GFRA2: variants seen among roughly 807,000 people sequenced by gnomAD.
GFRA2 encodes GDNF family receptor alpha 2.
A neutral mutation model predicts 48.3 loss-of-function variants in GFRA2; 17 were observed. The observed-to-expected ratio is 0.35, with a 90% confidence interval of 0.24 to 0.53. GFRA2 has a LOEUF of 0.53. Among genes scored for constraint, GFRA2 ranks in the 20% least tolerant of loss-of-function variants. The pLI is 0.93. For missense variants in GFRA2, 660 were observed against 637.3 expected (o/e 1.04, Z -0.38); for synonymous variants, 305 against 257.2 (o/e 1.19, Z -1.78).
At chr8:21,803,825 G>T (rs1045651559) in intron 2 of GFRA2, among the ~76,000 whole-genome samples, 11 of 152,090 alleles carry the variant, frequency 7.2e-5, no homozygotes, top group Non-Finnish European at 1.2e-4. Context: ...TAGAGATAGG[G>T]TCTTGCCATG....
In GFRA2 at chr8:21,782,682, C is replaced by T. The variant is rs376226033; in HGVS notation, c.258G>A (p.Gln86=). ...AGCGGCAGTCGTACAGCGGGCTCTC[C>T]TGCAAGACCTCCAAGGCCGCCTGGC... is the stretch of plus-strand genomic sequence containing the variant. ...KECQAALEVL[Q]ESPLYDCRCK... Residue 86 remains glutamine (Q), a synonymous_variant, in exon 2 of 9, where the codon CAG becomes CAA. Coordinates refer to ENST00000524240, the MANE Select transcript of GFRA2 (RefSeq NM_001495.5). 2 of 1,590,346 alleles carry T rather than the reference C, an allele frequency of 1.3e-6. No homozygotes were observed. The highest frequency in any genetic ancestry group is 2.3e-5 in the South Asian group (2 of 87,294).
In GFRA2 at chr8:21,693,218, G is replaced by A. The variant is rs982732354; in HGVS notation, c.*60C>T. 35 of 1,530,090 alleles carry A rather than the reference G, an allele frequency of 2.3e-5. No homozygotes were observed. The highest frequency in any genetic ancestry group is 3.5e-4 in the Middle Eastern group (2 of 5,738). 94.8% of individuals were successfully genotyped at this position (1,530,090 alleles called of 1,614,324 possible). A position where few individuals can be genotyped will look rare whatever the true frequency, so the allele number is the denominator to read the frequency against. On this transcript the variant is annotated 3_prime_UTR_variant, in exon 9 of 9. Transcript: ENST00000524240. Reference sequence around the variant, plus strand: ...GTGTGTCTGTGTGTGTTTCCATTTCGTCAGGCGGCTGTTCTTGTCTGCGTA... The same window carrying A: ...GTGTGTCTGTGTGTGTTTCCATTTCATCAGGCGGCTGTTCTTGTCTGCGTA...
chr8:21,786,293 C>T (rs1279199339), intron 1 of GFRA2, among the ~76,000 whole-genome samples: 1 of 152,008 alleles, frequency 6.6e-6, no homozygotes, highest in African/African-American at 2.4e-5. Flanking sequence ...AGAAAGCCTG[C>T]CTGCAATGAC....
At chr8:21,729,222 C>G (rs185659110) in intron 4 of GFRA2, among the ~76,000 whole-genome samples, 44 of 152,084 alleles carry the variant, frequency 2.9e-4, no homozygotes, top group African/African-American at 7.2e-4. Flanking sequence ...CCCAGCTACT[C>G]GGGAGGCTGA....
chr8:21,806,529 G>A lies in GFRA2; in HGVS notation c.-147-1401C>T, dbSNP rs1027368838. Among the ~76,000 whole-genome samples, 20 of 152,128 alleles carry A rather than the reference G, an allele frequency of 1.3e-4. 1 individual carries two copies. Among genetic ancestry groups the A allele is most frequent in the Admixed American group, 7.2e-4 (11 of 15,284 alleles). On this transcript the variant is annotated intron_variant, in intron 1 of 10. Transcript: ENST00000517328. ...CACCCAGACTGGAGTGCAGAGGCAC[G>A]ATCATAGCTCACCGCAGCCCAGGAC...
chr8:21,763,412 C>G (rs910455361), intron 3 of GFRA2, among the ~76,000 whole-genome samples: 2 of 152,086 alleles, frequency 1.3e-5, no homozygotes, highest in African/African-American at 4.8e-5. Context: ...CTCACCAACC[C>G]TGCCATTCCC....
chr8:21,724,776 A>C (rs2117461877), intron 4 of GFRA2, among the ~76,000 whole-genome samples: 1 of 152,294 alleles, frequency 6.6e-6, no homozygotes. Flanking sequence ...GGGAAGTGTT[A>C]GCTCCCTTGA....
Position 21,714,246 on chromosome 8 carries a change from C to CTTTTTTTTTTTTTTTTT in GFRA2, c.795-8222_795-8206dup, listed in dbSNP as rs10674628. Among the ~76,000 whole-genome samples, 7 of 78,400 alleles carry CTTTTTTTTTTTTTTTTT rather than the reference C, an allele frequency of 8.9e-5. 2 individuals carry two copies. Among genetic ancestry groups the CTTTTTTTTTTTTTTTTT allele is most frequent in the African/African-American group, 1.0e-4 (2 of 19,292 alleles). The allele number at this position is 78,400 out of a possible 152,430, so 51.4% of individuals were successfully genotyped here. A position where few individuals can be genotyped will look rare whatever the true frequency, so the allele number is the denominator to read the frequency against. On this transcript the variant is annotated intron_variant, in intron 4 of 8. Coordinates refer to ENST00000524240, the MANE Select transcript of GFRA2 (RefSeq NM_001495.5). ...GATCAATACATACTGGTCTGAAGTT[C>CTTTTTTTTTTTTTTTTT]TTTTTTTTTTTTTTTTTTTTTTTGA... is the stretch of plus-strand genomic sequence containing the variant.
rs540122202 is a variant in GFRA2 at position 21,705,502 on chromosome 8, G to A, written c.905-377C>T. 1.5e-4 allele frequency among the ~76,000 whole-genome samples: 23 copies of A among 152,284 alleles called. No individual in the cohort carries two copies. The South Asian group carries it at 4.6e-3, about 30-fold the overall frequency. On this transcript the variant is annotated intron_variant, in intron 5 of 8. Coordinates refer to ENST00000524240, the MANE Select transcript of GFRA2 (RefSeq NM_001495.5). ...ATCAGACCCCAGTGCCGATATTTAT[G>A]AGCGAGGTGAGACTGTGCAAGTCAC...
chr8:21,742,855 C>T lies in GFRA2; in HGVS notation c.794+7733G>A, dbSNP rs79547322. ...CAAACAGGATCCGCATCTCATCCAC[C>T]TGGGGTGTGAGCCTCTGGAGCCCAG... On this transcript the variant is annotated intron_variant, in intron 4 of 8. Transcript: ENST00000524240. Among the ~76,000 whole-genome samples, 19 of 152,310 alleles carry T rather than the reference C, an allele frequency of 1.2e-4. No individual in the cohort carries two copies. In the East Asian group the frequency reaches 3.7e-3, roughly 29 times the overall value.
intron 4 of GFRA2, among the ~76,000 whole-genome samples, chr8:21,727,315 T>C (rs1258344550): frequency 6.6e-6 from 1 of 152,032 alleles, no homozygotes; most frequent in Non-Finnish European, 1.5e-5. Flanking sequence ...CTACCTCCCA[T>C]GGGAGCCAGG....
intron 2 of GFRA2, among the ~76,000 whole-genome samples, chr8:21,797,308 T>A (rs1184786841): frequency 1.4e-5 from 2 of 146,856 alleles, no homozygotes; most frequent in African/African-American, 5.1e-5. Context: ...TTTTTTTTTT[T>A]TTGACATGGT....
chr8:21,778,966 C>A (rs2051049944), intron 2 of GFRA2, among the ~76,000 whole-genome samples: 2 of 151,746 alleles, frequency 1.3e-5, no homozygotes, highest in African/African-American at 4.8e-5. Context: ...TTTGGTAGGC[C>A]GAGACACAAG....
chr8:21,807,087 CA>C (rs1358131286), intron 1 of GFRA2, among the ~76,000 whole-genome samples: 7 of 152,176 alleles, frequency 4.6e-5, no homozygotes, highest in Non-Finnish European at 7.3e-5. Context: ...CTTTTCTGTA[CA>C]AATCTGTATT....
intron 3 of GFRA2, among the ~76,000 whole-genome samples, chr8:21,772,369 T>C (rs946626849): frequency 9.9e-5 from 15 of 152,124 alleles, no homozygotes; most frequent in Non-Finnish European, 1.9e-4. Context: ...AGTGGTGTCA[T>C]TATGGCTCAC....
chr8:21,809,481 T>C (rs2308979), intron 1 of GFRA2, among the ~76,000 whole-genome samples: 80,140 of 151,640 alleles, frequency 0.53, 23,594 homozygotes, highest in African/African-American at 0.8. Context: ...CCCGCCACCA[T>C]GCCCAGCTAT....
intron 2 of GFRA2, among the ~76,000 whole-genome samples, chr8:21,800,552 G>C (rs1281710851): frequency 7.9e-5 from 12 of 152,180 alleles, no homozygotes; most frequent in African/African-American, 2.7e-4. Context: ...TGTAGGATCT[G>C]GGCTTCTGTG....
At chr8:21,791,784 T>C (rs1251536159), upstream of GFRA2, among the ~76,000 whole-genome samples, 1 of 152,158 alleles carries the variant, frequency 6.6e-6, no homozygotes, top group Non-Finnish European at 1.5e-5. Flanking sequence ...TAGGGACCTA[T>C]GACAAGGCAA....
At chr8:21,701,367 C>G (rs1374922226) in intron 7 of GFRA2, among the ~76,000 whole-genome samples, 2 of 152,160 alleles carry the variant, frequency 1.3e-5, no homozygotes, top group African/African-American at 2.4e-5. Context: ...GCACTCCAGC[C>G]TGGGCGAGAC....
Sources: allele counts gnomAD v4.1 joint callset (sites outside exome capture counted in the v4.1 genomes callset), GRCh38; gene constraint gnomAD v4.1.1; transcripts MANE v1.5; gene names NCBI Gene and HGNC (gene_info 2026-07-23, HGNC 2026-07-21).